The following FRAS1 variants were observed in gnomAD, a reference collection of about 807,000 sequenced individuals.
The protein encoded by FRAS1 is Fraser extracellular matrix complex subunit 1.
In FRAS1, 290 loss-of-function variants were observed where a neutral mutation model predicts 435.2. That is an observed-to-expected ratio of 0.67 (90% CI 0.61 to 0.73). The LOEUF is 0.73. Ranked by LOEUF, FRAS1 falls within the 30% of genes least tolerant of loss-of-function variation. The pLI is 0.00. For synonymous variants in FRAS1, 1,800 were observed against 1,851.0 expected (o/e 0.97, Z 0.71); for missense variants, 4,860 against 5,001.5 (o/e 0.97, Z 0.85).
At chr4:78,439,089 C>T (rs760674045) in intron 40 of FRAS1, 25 bp downstream of exon 40, 2 of 1,591,614 alleles carry the variant, frequency 1.3e-6, no homozygotes, top group Non-Finnish European at 1.7e-6. Context: ...GATCAATAAA[C>T]AGTGAGTACT....
chr4:78,091,328 C>T (rs1741509148), intron 2 of FRAS1, among the ~76,000 whole-genome samples: 1 of 152,040 alleles, frequency 6.6e-6, no homozygotes, highest in Non-Finnish European at 1.5e-5. Context: ...TCCAACGTGT[C>T]CTCTCCCTCC....
At chr4:78,182,079 T>C (rs1011848358) in intron 2 of FRAS1, 350 of 1,493,498 alleles carry the variant, frequency 2.3e-4, no homozygotes, top group Non-Finnish European at 2.8e-4. Flanking sequence ...CCTCTACGGA[T>C]TGCAGCGGGC....
At chr4:78,342,566 C>T (rs1172995893) in intron 20 of FRAS1, among the ~76,000 whole-genome samples, 2 of 151,704 alleles carry the variant, frequency 1.3e-5, no homozygotes, top group Non-Finnish European at 2.9e-5. Flanking sequence ...TTTTTTTTGC[C>T]CACATCTCAA....
chr4:78,541,002 G>A lies in FRAS1; in HGVS notation c.11917G>A (p.Val3973Met), dbSNP rs1233694980. 1 of 1,561,632 alleles carries A rather than the reference G, an allele frequency of 6.4e-7. No homozygotes were observed. The highest frequency in any genetic ancestry group is 1.4e-5 in the African/African-American group (1 of 73,284). The part of the protein sequence containing the change: ...EKNVNRHYCT[V>M]RNVNILSEPE... ...GAACGTGAATAGACACTACTGCACT[G>A]TGCGGAACGTCAACATCCTGAGTGA... The change falls in exon 74 of 74, where the codon GTG becomes ATG. Residue 3973 changes from valine to methionine, a missense_variant. By Grantham distance (21) the Val-to-Met change is conservative. Transcript: ENST00000512123.
At chr4:78,195,556 T>C (rs1328264658) in intron 2 of FRAS1, among the ~76,000 whole-genome samples, 1 of 152,238 alleles carries the variant, frequency 6.6e-6, no homozygotes, top group African/African-American at 2.4e-5. Context: ...TCTGTGGGCG[T>C]AGGACCCTTC....
Position 78,108,830 on chromosome 4 carries a change from C to T in FRAS1, c.108+42814C>T, listed in dbSNP as rs1424966961. ...CCAGGAGCTGGTTTTTTGAAAGGAT[C>T]AACAAAATTGATAGACCGCTAGCAA... On this transcript the variant is annotated intron_variant, in intron 2 of 73. Coordinates refer to ENST00000512123, the MANE Select transcript of FRAS1 (RefSeq NM_025074.7). Among the ~76,000 whole-genome samples the T allele has an allele frequency of 1.8e-4, 22 of 125,252 alleles. 1 individual carries two copies. Among genetic ancestry groups the T allele is most frequent in the Non-Finnish European group, 3.3e-4 (20 of 60,042 alleles). The allele number at this position is 125,252 out of a possible 152,430, so 82.2% of individuals were successfully genotyped here.
intron 14 of FRAS1, among the ~76,000 whole-genome samples, chr4:78,287,775 G>A (rs1398839003): frequency 1.3e-5 from 2 of 152,184 alleles, no homozygotes; most frequent in Non-Finnish European, 2.9e-5. Context: ...TCCATTCCAG[G>A]TAATGGTCAG....
chr4:78,324,282 A>G (rs1250707215), intron 18 of FRAS1, among the ~76,000 whole-genome samples: 3 of 152,258 alleles, frequency 2.0e-5, no homozygotes, highest in Non-Finnish European at 2.9e-5. Context: ...TAATTTTTAT[A>G]GTATAAGCAT....
chr4:78,527,823 T>G (rs1721588471), intron 70 of FRAS1, among the ~76,000 whole-genome samples: 2 of 152,126 alleles, frequency 1.3e-5, no homozygotes, highest in Admixed American at 1.3e-4. Flanking sequence ...TTTGCTTTAT[T>G]TCAGGATGCT....
intron 2 of FRAS1, among the ~76,000 whole-genome samples, chr4:78,156,457 C>T (rs1720887601): frequency 6.6e-6 from 1 of 151,886 alleles, no homozygotes; most frequent in Non-Finnish European, 1.5e-5. Context: ...ATTAACACAA[C>T]TTGATTTCAT....
chr4:78,181,899 C>G, intron 2 of FRAS1: 1 of 1,611,276 alleles, frequency 6.2e-7, no homozygotes, highest in South Asian at 1.1e-5. Context: ...CTCTTGGCCC[C>G]AGGGCCCCCA....
chr4:78,081,622 G>A (rs904927264), intron 2 of FRAS1, among the ~76,000 whole-genome samples: 1 of 152,106 alleles, frequency 6.6e-6, no homozygotes, highest in Non-Finnish European at 1.5e-5. Flanking sequence ...AAATTGGCAA[G>A]AACCTTATCA....
chr4:78,432,445 C>G lies in FRAS1; in HGVS notation c.5058C>G (p.Ile1686Met). ...CTACCCGGGAAGACAGCATGGAGAT[C>G]TCAGTCACAGATGGCCTCACAGTGA... is the stretch of plus-strand genomic sequence containing the variant. ...GSSTREDSMEISVTDGLTVTM... is the reference protein window; with the variant it reads ...GSSTREDSMEMSVTDGLTVTM... Residue 1686 changes from isoleucine to methionine, a missense_variant, in exon 38 of 74, where the codon ATC becomes ATG. Transcript: ENST00000512123. 1 of 1,613,160 alleles carries G rather than the reference C, an allele frequency of 6.2e-7. No homozygotes were observed. Among genetic ancestry groups the G allele is most frequent in the Non-Finnish European group, 8.5e-7 (1 of 1,179,572 alleles).
chr4:78,432,328 T>G, intron 37 of FRAS1, 29 bp from the exon 38 acceptor site: 1 of 1,562,314 alleles, frequency 6.4e-7, no homozygotes, highest in Non-Finnish European at 8.7e-7. Context: ...CAGAAGCAAC[T>G]CGTTTGCAAT....
chr4:78,109,437 G>T lies in FRAS1; in HGVS notation c.108+43421G>T, dbSNP rs562229941. On this transcript the variant is annotated intron_variant, in intron 2 of 73. Coordinates refer to ENST00000512123, the MANE Select transcript of FRAS1 (RefSeq NM_025074.7). ...GGCTTCATCCCTGGGATGCAAGGCTGGTTCAACATACGAAAATCAATAAAC... is the reference window on the plus strand; with the variant it reads ...GGCTTCATCCCTGGGATGCAAGGCTTGTTCAACATACGAAAATCAATAAAC... 5.8e-3 allele frequency among the ~76,000 whole-genome samples: 882 copies of T among 151,794 alleles called. 10 individuals are homozygous for T. Among genetic ancestry groups the T allele is most frequent in the African/African-American group, 0.021 (847 of 41,278 alleles).
At chr4:78,241,119 G>A (rs1180137428) in intron 3 of FRAS1, among the ~76,000 whole-genome samples, 3 of 152,100 alleles carry the variant, frequency 2.0e-5, no homozygotes, top group Non-Finnish European at 4.4e-5. Flanking sequence ...CTGAATAAAG[G>A]CCATCCTTTC....
intron 6 of FRAS1, among the ~76,000 whole-genome samples, chr4:78,262,577 G>A (rs1407181720): frequency 6.6e-6 from 1 of 152,164 alleles, no homozygotes; most frequent in African/African-American, 2.4e-5. Context: ...GCAGGAGGTG[G>A]ACTGTTTGTC....
rs879366221 is a variant in FRAS1, at chr4:78,361,669, T to C, written c.2423-1844T>C. Among the ~76,000 whole-genome samples, 5 of 152,214 alleles carry C rather than the reference T, an allele frequency of 3.3e-5. 1 individual carries two copies. The highest frequency in any genetic ancestry group is 7.3e-5 in the Non-Finnish European group (5 of 68,038). ...CACCAACAGTGTACAGAGAAAGACC[T>C]GTTTTTAACAGATTCCAGGGGCAGG... On this transcript the variant is annotated intron_variant, in intron 20 of 73. Coordinates refer to ENST00000512123, the MANE Select transcript of FRAS1 (RefSeq NM_025074.7).
intron 41 of FRAS1, chr4:78,443,963 C>T (rs1248745232): frequency 4.1e-5 from 13 of 315,616 alleles, no homozygotes. Flanking sequence ...ATTCTCCTAC[C>T]TCAGCCTCCC....
Sources: gnomAD v4.1 joint callset for allele counts (sites outside exome capture counted in the v4.1 genomes callset) on GRCh38, gnomAD v4.1.1 for gene constraint, MANE v1.5 for transcripts, NCBI Gene and HGNC (gene_info 2026-07-23, HGNC 2026-07-21) for gene names.